Variants in SPECC1L observed in about 807,000 individuals in gnomAD.
The protein encoded by SPECC1L is sperm antigen with calponin homology and coiled-coil domains 1 like.
A neutral mutation model predicts 116.8 loss-of-function variants in SPECC1L; 40 were observed. The ratio of observed to expected loss-of-function variants is 0.34; its 90% confidence interval spans 0.27 to 0.45. The LOEUF (loss-of-function observed/expected upper bound fraction) is 0.45. Ranked by LOEUF, SPECC1L falls within the 20% of genes least tolerant of loss-of-function variation. The pLI, the probability that SPECC1L is intolerant of heterozygous loss-of-function variation, is 1.00. For missense variants in SPECC1L, 1,110 were observed against 1,373.6 expected (o/e 0.81, Z 3.03); for synonymous variants, 504 against 500.6 (o/e 1.01, Z -0.09).
intron 8 of SPECC1L, among the ~76,000 whole-genome samples, chr22:24,330,784 G>C (rs2298381): frequency 0.17 from 25,708 of 152,094 alleles, 2,691 homozygotes; most frequent in Admixed American, 0.23. Flanking sequence ...TTCTTGGCTC[G>C]TGTCCAGCTC....
chr22:24,312,845 T>G (rs1312815440), intron 3 of SPECC1L, among the ~76,000 whole-genome samples: 1 of 152,240 alleles, frequency 6.6e-6, no homozygotes, highest in Non-Finnish European at 1.5e-5. Context: ...AAAATTTGAT[T>G]ACTACAGAAT....
intron 9 of SPECC1L, among the ~76,000 whole-genome samples, chr22:24,335,507 C>G (rs138679043): frequency 6.6e-6 from 1 of 152,200 alleles, no homozygotes; most frequent in South Asian, 2.1e-4. Flanking sequence ...TTGTTTTCAT[C>G]TAACTTCCTC....
At chr22:24,388,298 G>A (rs1215254083) in intron 14 of SPECC1L, among the ~76,000 whole-genome samples, 3 of 132,216 alleles carry the variant, frequency 2.3e-5, no homozygotes, top group Non-Finnish European at 4.6e-5. Context: ...TGTTCTCATT[G>A]TTCAATTCCC....
At chr22:24,390,934 G>A (rs898886504) in intron 14 of SPECC1L, among the ~76,000 whole-genome samples, 1 of 131,960 alleles carries the variant, frequency 7.6e-6, no homozygotes, top group African/African-American at 2.9e-5. Context: ...AGACTGAAGT[G>A]GAGCGATCTC....
chr22:24,297,393 T>C (rs1010858137), intron 2 of SPECC1L, among the ~76,000 whole-genome samples: 3 of 152,170 alleles, frequency 2.0e-5, no homozygotes, highest in Admixed American at 6.5e-5. Context: ...AGGGAAATTA[T>C]CTCATTTTGT....
chr22:24,396,740 C>G (rs753249588), intron 14 of SPECC1L, among the ~76,000 whole-genome samples: 2 of 152,174 alleles, frequency 1.3e-5, no homozygotes, highest in Non-Finnish European at 2.9e-5. Context: ...ATAGAAGTTG[C>G]GTTTCACGTG....
At position 24,324,290 on chromosome 22, in the gene SPECC1L, A is replaced by G. The variant is rs200147217; in HGVS notation, c.2009A>G (p.Glu670Gly). The G allele has an allele frequency of 6.2e-6, 10 of 1,614,040 alleles. No individual in the cohort carries two copies. The highest frequency in any genetic ancestry group is 8.5e-6 in the Non-Finnish European group (10 of 1,180,002). Residue 670 changes from glutamate to glycine, a missense_variant, in exon 6 of 17, where the codon GAA becomes GGA. Transcript: ENST00000314328. ...ATTGAAGATTTGAATATGACGTTAG[A>G]AAAATTAAGATCAGACCTGGATGAA... Reference protein sequence around the residue: ...KQIEDLNMTLEKLRSDLDEKE... With the variant: ...KQIEDLNMTLGKLRSDLDEKE...
intron 14 of SPECC1L, among the ~76,000 whole-genome samples, chr22:24,379,289 G>A (rs1448912895): frequency 6.6e-6 from 1 of 151,664 alleles, no homozygotes; most frequent in Non-Finnish European, 1.5e-5. Flanking sequence ...GCTGAGGCAG[G>A]AGGATTACTT....
intron 4 of SPECC1L, among the ~76,000 whole-genome samples, chr22:24,318,827 G>A (rs2146467041): frequency 1.3e-5 from 2 of 151,898 alleles, no homozygotes. Context: ...TACTCGGGTG[G>A]CTGAGGTGGG....
In SPECC1L at chr22:24,384,892, T is replaced by C. The variant is rs376281139; in HGVS notation, c.3087+15572T>C. ...GAGATCAAGACCATCCTGGCTAACA[T>C]AGTGAAACCCCGTCTCAACTAAAAA... On this transcript the variant is annotated intron_variant, in intron 14 of 16. Coordinates refer to ENST00000314328, the MANE Select transcript of SPECC1L (RefSeq NM_015330.6). 4.8e-3 allele frequency among the ~76,000 whole-genome samples: 728 copies of C among 152,120 alleles called. 4 individuals are homozygous for C. The Middle Eastern group carries it at 0.051, about 11-fold the overall frequency.
At chr22:24,386,720 C>T (rs2042167422) in intron 14 of SPECC1L, among the ~76,000 whole-genome samples, 1 of 152,088 alleles carries the variant, frequency 6.6e-6, no homozygotes, top group African/African-American at 2.4e-5. Context: ...TCTCCTGCCT[C>T]AGCCTCCCAA....
In SPECC1L at chr22:24,326,788, T is replaced by C. The variant is rs374423995; in HGVS notation, c.2147-2058T>C. On this transcript the variant is annotated intron_variant, in intron 6 of 16. Coordinates refer to ENST00000314328, the MANE Select transcript of SPECC1L (RefSeq NM_015330.6). ...CAGGACCTGACTTTGTTACACAGTTTTGGGGCAGTGAATGAGAGCAAGTTA... is the reference window on the plus strand; with the variant it reads ...CAGGACCTGACTTTGTTACACAGTTCTGGGGCAGTGAATGAGAGCAAGTTA... 4.3e-4 allele frequency among the ~76,000 whole-genome samples: 65 copies of C among 152,326 alleles called. No homozygotes were observed. In the East Asian group the frequency reaches 0.01, roughly 24 times the overall value.
At chr22:24,380,482 C>T (rs1376197177) in intron 14 of SPECC1L, among the ~76,000 whole-genome samples, 3 of 152,138 alleles carry the variant, frequency 2.0e-5, no homozygotes, top group Non-Finnish European at 4.4e-5. Context: ...ATGAAGAAGC[C>T]GTCTAATCAA....
intron 11 of SPECC1L, among the ~76,000 whole-genome samples, chr22:24,352,086 A>G (rs569853571): frequency 2.0e-5 from 3 of 152,238 alleles, no homozygotes; most frequent in Admixed American, 1.3e-4. Flanking sequence ...GTTTCATACC[A>G]GAGAAATCTT....
chr22:24,325,583 GA>G (rs2040805223), intron 6 of SPECC1L, among the ~76,000 whole-genome samples: 1 of 145,868 alleles, frequency 6.9e-6, no homozygotes, highest in South Asian at 2.2e-4. Context: ...TTATTTATAA[GA>G]GGTGACAGTA....
At chr22:24,392,941 T>C (rs573400283) in intron 14 of SPECC1L, among the ~76,000 whole-genome samples, 1 of 152,312 alleles carries the variant, frequency 6.6e-6, no homozygotes, top group African/African-American at 2.4e-5. Flanking sequence ...ATGTAGCCTC[T>C]CCAATATTTG....
intron 10 of SPECC1L, among the ~76,000 whole-genome samples, chr22:24,340,794 G>T (rs1020337223): frequency 1.3e-5 from 2 of 152,028 alleles, no homozygotes; most frequent in Non-Finnish European, 2.9e-5. Flanking sequence ...CCTCATCCTG[G>T]TAAACCATAA....
intron 10 of SPECC1L, among the ~76,000 whole-genome samples, chr22:24,346,367 A>G (rs1180364021): frequency 6.6e-6 from 1 of 152,198 alleles, no homozygotes; most frequent in Non-Finnish European, 1.5e-5. Flanking sequence ...GTGACAAGCC[A>G]TTGCTGTAGT....
intron 13 of SPECC1L, among the ~76,000 whole-genome samples, chr22:24,367,085 G>A (rs370254662): frequency 2.6e-5 from 4 of 152,256 alleles, no homozygotes; most frequent in South Asian, 2.1e-4. Context: ...TCCCAGCTAC[G>A]TGGGAGGCTG....
Sources: allele counts gnomAD v4.1 joint callset (sites outside exome capture counted in the v4.1 genomes callset), GRCh38; gene constraint gnomAD v4.1.1; transcripts MANE v1.5; gene names NCBI Gene and HGNC (gene_info 2026-07-23, HGNC 2026-07-21).